Variants in SLC39A11 observed in about 807,000 individuals in gnomAD.
The protein encoded by SLC39A11 is zinc transporter ZIP11.
SLC39A11 carries 33 observed loss-of-function variants against 36.1 expected under a neutral mutation model. The ratio of observed to expected loss-of-function variants is 0.91; its 90% CI spans 0.69 to 1.22. SLC39A11 has a LOEUF of 1.22. Among genes scored for constraint, SLC39A11 ranks in the 50% most tolerant of loss-of-function variants. The pLI is 0.00. For missense variants in SLC39A11, 432 were observed against 430.3 expected, an observed-to-expected ratio of 1.00 and a Z score of -0.03; for synonymous variants, 166 against 170.3, an observed-to-expected ratio of 0.97 and a Z score of 0.20.
chr17:72,841,429 G>A (rs950658490), intron 6 of SLC39A11, among the ~76,000 whole-genome samples: 1 of 152,208 alleles, frequency 6.6e-6, no homozygotes. Flanking sequence ...ATTATGTGAA[G>A]TGAACTAAGC....
At chr17:72,944,548 TAC>T (rs993631372) in intron 5 of SLC39A11, among the ~76,000 whole-genome samples, 52 of 116,470 alleles carry the variant, frequency 4.5e-4, no homozygotes, top group African/African-American at 1.3e-3. Context: ...CACACACACA[TAC>T]ACACACACAC....
chr17:72,805,668 G>A (rs756535278), intron 6 of SLC39A11, among the ~76,000 whole-genome samples: 1 of 152,198 alleles, frequency 6.6e-6, no homozygotes, highest in Admixed American at 6.5e-5. Context: ...AGGAATGTCA[G>A]ACCAGCTGTG....
At chr17:73,004,185 A>AAGAAAGAT (rs2090011668) in intron 4 of SLC39A11, among the ~76,000 whole-genome samples, 4 of 91,434 alleles carry the variant, frequency 4.4e-5, no homozygotes, top group African/African-American at 1.8e-4. Context: ...GAAAGAAAGA[A>AAGAAAGAT]AGAAAGAAAG....
chr17:72,854,508 G>T (rs1323210497), intron 5 of SLC39A11, among the ~76,000 whole-genome samples: 1 of 152,118 alleles, frequency 6.6e-6, no homozygotes. Context: ...TTTCATGATA[G>T]TAGTATGTGT....
intron 7 of SLC39A11, among the ~76,000 whole-genome samples, chr17:72,660,861 C>T (rs1437517544): frequency 1.3e-5 from 2 of 152,186 alleles, no homozygotes; most frequent in African/African-American, 2.4e-5. Context: ...AACCTCTCAG[C>T]TGTGACAACC....
chr17:72,747,513 T>C (rs886937201), intron 6 of SLC39A11, among the ~76,000 whole-genome samples: 2 of 152,160 alleles, frequency 1.3e-5, no homozygotes, highest in Admixed American at 1.3e-4. Flanking sequence ...GTCACTAAAC[T>C]GGGAGAGGAC....
chr17:72,866,245 C>A (rs1157663063), intron 5 of SLC39A11, among the ~76,000 whole-genome samples: 1 of 152,188 alleles, frequency 6.6e-6, no homozygotes, highest in Non-Finnish European at 1.5e-5. Context: ...TGTGAGGGAT[C>A]TAGGTTGCAT....
At chr17:72,686,584 G>A (rs571536249) in intron 7 of SLC39A11, among the ~76,000 whole-genome samples, 2 of 139,498 alleles carry the variant, frequency 1.4e-5, no homozygotes. Context: ...CTTCTGTCCA[G>A]TGAGGGGGCT....
intron 7 of SLC39A11, among the ~76,000 whole-genome samples, chr17:72,666,912 A>G (rs1411834814): frequency 6.6e-6 from 1 of 152,188 alleles, no homozygotes; most frequent in African/African-American, 2.4e-5. Context: ...TTGAGGTTTC[A>G]GGGGCATTGA....
At chr17:72,826,613 A>G (rs1282640612) in intron 6 of SLC39A11, among the ~76,000 whole-genome samples, 1 of 152,230 alleles carries the variant, frequency 6.6e-6, no homozygotes, top group Non-Finnish European at 1.5e-5. Flanking sequence ...AATATATCAT[A>G]ATTATGCATA....
At chr17:73,068,278 C>G in intron 3 of SLC39A11, 2 of 684,158 alleles carry the variant, frequency 2.9e-6, no homozygotes, top group Non-Finnish European at 5.2e-6. Context: ...TGGACTGCGG[C>G]TCCTCCACCA....
intron 5 of SLC39A11, among the ~76,000 whole-genome samples, chr17:72,894,027 A>T (rs753656120): frequency 6.6e-6 from 1 of 152,200 alleles, no homozygotes; most frequent in African/African-American, 2.4e-5. Context: ...GTAAACTGAT[A>T]AAGTTCAATG....
chr17:72,861,687 AT>A lies in SLC39A11; in HGVS notation c.431-11884del, dbSNP rs1311033020. Among the ~76,000 whole-genome samples the A allele has an allele frequency of 3.2e-3, 375 of 117,916 alleles. 9 individuals are homozygous for A. Among genetic ancestry groups the A allele is most frequent in the African/African-American group, 6.3e-3 (199 of 31,354 alleles). The allele number at this position is 117,916 out of a possible 152,430, so 77.4% of individuals were successfully genotyped here. A position where few individuals can be genotyped will look rare whatever the true frequency, so the allele number is the denominator to read the frequency against. ...TATATATATATATATATATATATATATAAAATATATATATTGGATATATATA... is the reference window on the plus strand; with the variant it reads ...TATATATATATATATATATATATATAAAAATATATATATTGGATATATATA... On this transcript the variant is annotated intron_variant, in intron 5 of 9. Transcript: ENST00000255559.
intron 7 of SLC39A11, among the ~76,000 whole-genome samples, chr17:72,729,420 TATATATATATATATATATATATATA>T (rs1567994297): frequency 2.6e-3 from 6 of 2,334 alleles, no homozygotes; most frequent in Non-Finnish European, 4.7e-3. Context: ...TATATATATA[TATATATATATATATATATATATATA>T]TATATATATA....
intron 7 of SLC39A11, among the ~76,000 whole-genome samples, chr17:72,677,600 G>A (rs114090086): frequency 0.014 from 2,148 of 152,180 alleles, 43 homozygotes; most frequent in African/African-American, 0.048. Context: ...TGTGAGTGAG[G>A]TTCACCAAGA....
intron 6 of SLC39A11, among the ~76,000 whole-genome samples, chr17:72,749,417 A>G (rs865910381): frequency 4.6e-5 from 7 of 152,320 alleles, no homozygotes; most frequent in Non-Finnish European, 7.4e-5. Context: ...TCACTGTATG[A>G]AAGTGGACAG....
chr17:72,760,949 C>T (rs992926828), intron 6 of SLC39A11, among the ~76,000 whole-genome samples: 1 of 152,228 alleles, frequency 6.6e-6, no homozygotes, highest in African/African-American at 2.4e-5. Flanking sequence ...TTTGTGGGCA[C>T]TACTGCCCCT....
chr17:73,004,204 A>G (rs1329122095), intron 4 of SLC39A11, among the ~76,000 whole-genome samples: 4 of 127,454 alleles, frequency 3.1e-5, no homozygotes, highest in Non-Finnish European at 6.8e-5. Context: ...AGAAAGAAAG[A>G]AAGAAAGAAA....
At chr17:72,829,833 C>G (rs1417962091) in intron 6 of SLC39A11, among the ~76,000 whole-genome samples, 1 of 152,116 alleles carries the variant, frequency 6.6e-6, no homozygotes, top group African/African-American at 2.4e-5. Context: ...AGTGTAGCCA[C>G]CTTGTTCCCC....
Sources: allele counts gnomAD v4.1 joint callset (sites outside exome capture counted in the v4.1 genomes callset), GRCh38; gene constraint gnomAD v4.1.1; transcripts MANE v1.5; gene names NCBI Gene and HGNC (gene_info 2026-07-23, HGNC 2026-07-21).